Variants in GALM observed in about 807,000 individuals in gnomAD.
The protein encoded by GALM is galactose mutarotase, also known as aldose 1-epimerase.
In GALM, 43 loss-of-function variants were observed where a neutral mutation model predicts 37.4. The observed-to-expected ratio is 1.15, with a 90% CI of 0.90 to 1.48. The LOEUF (loss-of-function observed/expected upper bound fraction) is 1.48, where lower values mean the gene tolerates loss of function less well. GALM is among the 40% of genes most tolerant of loss of function. The pLI is 0.00. For missense variants in GALM, 456 were observed against 419.1 expected, an observed-to-expected ratio of 1.09 and a Z score of -0.77; for synonymous variants, 199 against 170.6, an observed-to-expected ratio of 1.17 and a Z score of -1.30.
At chr2:38,723,793 A>T (rs961881101) in intron 4 of GALM, among the ~76,000 whole-genome samples, 1 of 30,072 alleles carries the variant, frequency 3.3e-5, no homozygotes, top group African/African-American at 1.2e-4. Flanking sequence ...ACTGACTCAA[A>T]AAAACAAACA....
At chr2:38,688,647 G>A (rs189516657) in intron 3 of GALM, among the ~76,000 whole-genome samples, 13 of 152,192 alleles carry the variant, frequency 8.5e-5, no homozygotes, top group African/African-American at 1.9e-4. Flanking sequence ...CACATCTTCT[G>A]GTGTGAAGCT....
At chr2:38,674,191 C>CTTTTTTTTTTTTTTT (rs202079509) in intron 1 of GALM, among the ~76,000 whole-genome samples, 1 of 134,506 alleles carries the variant, frequency 7.4e-6, no homozygotes, top group African/African-American at 2.7e-5. Flanking sequence ...ACAGCTTATA[C>CTTTTTTTTTTTTTTT]TTTTTTTTTT....
Position 38,681,405 on chromosome 2 carries a change from C to G in GALM, c.471C>G (p.Leu157=). The change falls in exon 3 of 7, where the codon CTC becomes CTG. Residue 157 remains leucine, a synonymous_variant. Transcript: ENST00000272252. ...WVTYTLDGGE[L]IVNYRAQASQ... ...CATACACCCTGGATGGCGGAGAGCT[C>G]ATAGTCAACTACAGAGCACAAGCCA... 1 of 1,614,188 alleles carries G rather than the reference C, an allele frequency of 6.2e-7. No homozygotes were observed. The highest frequency in any genetic ancestry group is 1.3e-5 in the African/African-American group (1 of 75,068).
intron 4 of GALM, among the ~76,000 whole-genome samples, chr2:38,695,684 T>C (rs557115778): frequency 1.3e-5 from 2 of 150,130 alleles, no homozygotes; most frequent in East Asian, 1.9e-4. Context: ...TTTGTTTGTT[T>C]GCTTGTTTGT....
intron 4 of GALM, among the ~76,000 whole-genome samples, chr2:38,709,017 T>A (rs1396988304): frequency 2.0e-5 from 3 of 152,076 alleles, no homozygotes; most frequent in Non-Finnish European, 4.4e-5. Flanking sequence ...AATGGTGGGA[T>A]GACCTGAAGT....
intron 4 of GALM, among the ~76,000 whole-genome samples, chr2:38,713,169 A>G (rs577676192): frequency 6.6e-6 from 1 of 152,252 alleles, no homozygotes; most frequent in South Asian, 2.1e-4. Flanking sequence ...TTGTCACCGG[A>G]GCCTACCCAA....
intron 4 of GALM, among the ~76,000 whole-genome samples, chr2:38,696,664 G>A (rs1031071385): frequency 6.7e-6 from 1 of 148,670 alleles, no homozygotes; most frequent in African/African-American, 2.5e-5. Context: ...CAGAGATGAT[G>A]TCTCACTATG....
intron 2 of GALM, 64 bp from the exon 3 acceptor site, chr2:38,681,216 T>C (rs901758575): frequency 2.5e-6 from 3 of 1,219,496 alleles, no homozygotes; most frequent in African/African-American, 1.5e-5. Context: ...TCTTTAAATA[T>C]TGAAATATGG....
chr2:38,700,802 T>G (rs1406648802), intron 4 of GALM, among the ~76,000 whole-genome samples: 2 of 152,244 alleles, frequency 1.3e-5, no homozygotes, highest in African/African-American at 4.8e-5. Flanking sequence ...CTTTGTTCCT[T>G]TCTTCCCCTC....
At chr2:38,720,211 C>T (rs1321157853) in intron 4 of GALM, among the ~76,000 whole-genome samples, 1 of 151,890 alleles carries the variant, frequency 6.6e-6, no homozygotes, top group African/African-American at 2.4e-5. Flanking sequence ...GACCTTGTCT[C>T]TAAATAAATA....
chr2:38,694,164 G>A (rs1451555555), intron 4 of GALM, among the ~76,000 whole-genome samples: 1 of 152,084 alleles, frequency 6.6e-6, no homozygotes, highest in Non-Finnish European at 1.5e-5. Flanking sequence ...TGTGGGTGAA[G>A]AGCAAGACCC....
intron 4 of GALM, among the ~76,000 whole-genome samples, chr2:38,701,090 G>A (rs970180691): frequency 2.6e-5 from 4 of 152,230 alleles, no homozygotes; most frequent in Non-Finnish European, 5.9e-5. Context: ...GCAACAAGTA[G>A]AAACAGATCC....
At chr2:38,695,654 C>A (rs1665788726) in intron 4 of GALM, among the ~76,000 whole-genome samples, 1 of 152,136 alleles carries the variant, frequency 6.6e-6, no homozygotes, top group Non-Finnish European at 1.5e-5. Flanking sequence ...ACCCCAAATC[C>A]TTGTTTATGT....
chr2:38,726,896 T>TA (rs11382149), intron 4 of GALM, among the ~76,000 whole-genome samples: 149,213 of 150,502 alleles, frequency 0.99, 73,969 homozygotes, highest in East Asian at 1. Context: ...AACTCTGTCT[T>TA]AAAAAAAAAT....
intron 4 of GALM, among the ~76,000 whole-genome samples, chr2:38,704,393 G>A (rs1212901331): frequency 1.3e-5 from 2 of 151,872 alleles, no homozygotes; most frequent in African/African-American, 2.4e-5. Context: ...TTTGAGGCTG[G>A]GCACAGTGGT....
chr2:38,729,032 G>A (rs898689014), intron 4 of GALM, among the ~76,000 whole-genome samples: 2 of 152,112 alleles, frequency 1.3e-5, no homozygotes, highest in Non-Finnish European at 2.9e-5. Context: ...TTGTCCCTTG[G>A]AATCCATGGA....
intron 3 of GALM, among the ~76,000 whole-genome samples, chr2:38,683,406 T>G (rs187639856): frequency 8.7e-4 from 133 of 152,292 alleles, no homozygotes; most frequent in African/African-American, 2.9e-3. Flanking sequence ...TGTTTTGGAT[T>G]TTGGAGATTT....
chr2:38,689,383 G>A (rs1042153113), intron 3 of GALM, among the ~76,000 whole-genome samples: 4 of 152,296 alleles, frequency 2.6e-5, no homozygotes, highest in Non-Finnish European at 5.9e-5. Context: ...GGGCTAGAGG[G>A]GGGTGCCAGG....
At chr2:38,712,735 G>A (rs190552301) in intron 4 of GALM, among the ~76,000 whole-genome samples, 68 of 152,262 alleles carry the variant, frequency 4.5e-4, no homozygotes, top group African/African-American at 1.5e-3. Context: ...TGTTGCCTGC[G>A]TTTCTATAAA....
Sources: gnomAD v4.1 joint callset for allele counts (sites outside exome capture counted in the v4.1 genomes callset) on GRCh38, gnomAD v4.1.1 for gene constraint, MANE v1.5 for transcripts, NCBI Gene and HGNC (gene_info 2026-07-23, HGNC 2026-07-21) for gene names.